PCLO: variants seen among roughly 807,000 people sequenced by gnomAD.
PCLO encodes the protein piccolo presynaptic cytomatrix protein, also known as protein piccolo.
PCLO carries 82 observed loss-of-function variants against 427.5 expected under a neutral mutation model. That is an observed-to-expected ratio of 0.19 (90% CI 0.16 to 0.23). PCLO has a LOEUF of 0.23. Among genes scored for constraint, PCLO ranks in the 10% least tolerant of loss-of-function variants. The pLI is 1.00. For synonymous variants in PCLO, 2,357 were observed against 2,155.4 expected (o/e 1.09, Z -2.59); for missense variants, 6,239 against 6,115.9 (o/e 1.02, Z -0.67).
chr7:82,780,670 C>G (rs1256721294), intron 22 of PCLO, among the ~76,000 whole-genome samples: 2 of 152,190 alleles, frequency 1.3e-5, no homozygotes, highest in African/African-American at 4.8e-5. Flanking sequence ...GCCTCAGCCT[C>G]GCGAGTGGCT....
rs200854729 is a variant in PCLO, at chr7:82,803,141, G to GA, written c.14934-1551dup. On this transcript the variant is annotated intron_variant, in intron 21 of 24. Coordinates refer to ENST00000333891, the MANE Select transcript of PCLO (RefSeq NM_033026.6). The stretch of plus-strand genomic sequence containing the variant: ...ATCAAGATTCAAGACAAGTAGTTAA[G>GA]AAAAAAAAAAGAACTCTGCTCTATC... 3.5e-3 allele frequency among the ~76,000 whole-genome samples: 507 copies of GA among 146,092 alleles called. 4 individuals carry two copies. The highest frequency in any genetic ancestry group is 8.1e-3 in the African/African-American group (325 of 39,976).
At chr7:83,038,894 G>C (rs1196105501) in intron 3 of PCLO, among the ~76,000 whole-genome samples, 2 of 151,906 alleles carry the variant, frequency 1.3e-5, no homozygotes, top group African/African-American at 4.8e-5. Context: ...ACCAATATTT[G>C]TTCTTTTCTG....
intron 3 of PCLO, among the ~76,000 whole-genome samples, chr7:82,980,675 C>T (rs1796126789): frequency 6.6e-6 from 1 of 152,100 alleles, no homozygotes; most frequent in African/African-American, 2.4e-5. Flanking sequence ...GATAAGTTTA[C>T]CCTGAAGGAA....
chr7:82,799,651 T>A (rs976921958), intron 22 of PCLO, among the ~76,000 whole-genome samples: 1 of 152,060 alleles, frequency 6.6e-6, no homozygotes, highest in Non-Finnish European at 1.5e-5. Context: ...TGGCTTCCAG[T>A]TGGTTTTGAT....
At chr7:82,858,318 C>T (rs1400765773) in intron 10 of PCLO, among the ~76,000 whole-genome samples, 1 of 152,104 alleles carries the variant, frequency 6.6e-6, no homozygotes, top group Non-Finnish European at 1.5e-5. Context: ...GAATATACCT[C>T]AAAATGTTAA....
intron 3 of PCLO, among the ~76,000 whole-genome samples, chr7:83,003,738 G>A (rs1198301976): frequency 6.6e-6 from 1 of 151,596 alleles, no homozygotes; most frequent in African/African-American, 2.4e-5. Context: ...TGTTGAATTT[G>A]GGATGCTAAC....
chr7:82,878,527 T>A (rs900216127), intron 10 of PCLO, among the ~76,000 whole-genome samples: 6 of 152,176 alleles, frequency 3.9e-5, no homozygotes, highest in Admixed American at 2.0e-4. Context: ...TGTTAGAGAA[T>A]CTGGAGAATG....
At position 82,951,323 on chromosome 7, in the gene PCLO, C is replaced by G. The variant is rs1366615912; in HGVS notation, c.9265G>C (p.Val3089Leu). ...GTTGGAGTTGCTACTGAAGAATAGA[C>G]AACACCATTAGATGACCTCAAAACA... ...GSVLRSSNGV[V>L]YSSVATPTPS... is the part of the protein sequence containing the mutation. Residue 3089 changes from valine (V) to leucine (L), a missense_variant, in exon 6 of 25, where the codon GTC becomes CTC. Physicochemically the swap from Val to Leu is conservative, Grantham distance 32 (BLOSUM62 1). Transcript: ENST00000333891. 1.2e-6 allele frequency: 2 copies of G among 1,611,810 alleles called. No individual in the cohort carries two copies. The highest frequency in any genetic ancestry group is 8.5e-7 in the Non-Finnish European group (1 of 1,178,942).
chr7:82,758,805 C>A (rs941086399), intron 24 of PCLO, 90 bp from the exon 25 acceptor site: 2 of 745,568 alleles, frequency 2.7e-6, no homozygotes, highest in South Asian at 1.9e-5. Context: ...ATTTAATCAT[C>A]AAAGACATAG....
At chr7:82,792,168 A>G (rs1791114716) in intron 22 of PCLO, among the ~76,000 whole-genome samples, 1 of 152,160 alleles carries the variant, frequency 6.6e-6, no homozygotes, top group African/African-American at 2.4e-5. Context: ...AATACCTACT[A>G]CTGAAGAGTT....
chr7:82,841,439 C>A lies in PCLO; in HGVS notation c.14097+20G>T, dbSNP rs769564896. ...ACCAAAAAAGGTTATATAATGGCGA[C>A]TTTTTAAAAAACTTCATACCTGAAT... On this transcript the variant is annotated intron_variant, in intron 14 of 24. Coordinates refer to ENST00000333891, the MANE Select transcript of PCLO (RefSeq NM_033026.6). 3.2e-6 allele frequency: 5 copies of A among 1,556,936 alleles called. No individual in the cohort carries two copies. Among genetic ancestry groups the A allele is most frequent in the Non-Finnish European group, 4.4e-6 (5 of 1,129,674 alleles).
At chr7:82,773,510 T>C (rs555774312) in intron 22 of PCLO, among the ~76,000 whole-genome samples, 2 of 152,316 alleles carry the variant, frequency 1.3e-5, no homozygotes, top group South Asian at 4.1e-4. Flanking sequence ...ATGCAATAAA[T>C]GTGATCCTCC....
intron 3 of PCLO, among the ~76,000 whole-genome samples, chr7:82,990,474 T>C (rs1391668470): frequency 6.6e-6 from 1 of 152,102 alleles, no homozygotes; most frequent in Non-Finnish European, 1.5e-5. Flanking sequence ...GGACCTATCT[T>C]AGGAGGATTC....
At chr7:82,776,322 G>A (rs1790748449) in intron 22 of PCLO, among the ~76,000 whole-genome samples, 1 of 152,296 alleles carries the variant, frequency 6.6e-6, no homozygotes, top group South Asian at 2.1e-4. Context: ...GCCGGGCGTG[G>A]TGGCTCATGC....
intron 3 of PCLO, among the ~76,000 whole-genome samples, chr7:83,043,262 C>T (rs528732291): frequency 1.4e-4 from 22 of 151,988 alleles, no homozygotes; most frequent in Middle Eastern, 6.8e-3. Flanking sequence ...CAATAGAGGT[C>T]GAGAAAAAAC....
chr7:82,797,061 TA>T (rs768916241), intron 22 of PCLO, among the ~76,000 whole-genome samples: 1 of 152,044 alleles, frequency 6.6e-6, no homozygotes, highest in East Asian at 1.9e-4. Flanking sequence ...GGATCTTCCA[TA>T]ATGGTTTCAT....
At chr7:82,961,582 A>C (rs570226926) in intron 4 of PCLO, among the ~76,000 whole-genome samples, 31 of 152,336 alleles carry the variant, frequency 2.0e-4, no homozygotes, top group Non-Finnish European at 3.7e-4. Flanking sequence ...AGAAGACACT[A>C]GGATTTTAGT....
intron 22 of PCLO, among the ~76,000 whole-genome samples, chr7:82,778,456 C>A (rs1790800963): frequency 6.6e-6 from 1 of 152,110 alleles, no homozygotes; most frequent in Admixed American, 6.5e-5. Context: ...TATAAAGACA[C>A]ATGTATGCAT....
At chr7:83,031,938 C>A (rs879455195) in intron 3 of PCLO, among the ~76,000 whole-genome samples, 1 of 152,126 alleles carries the variant, frequency 6.6e-6, no homozygotes, top group Non-Finnish European at 1.5e-5. Flanking sequence ...CTTGATATGT[C>A]TGCATTTGCT....
Sources: allele counts gnomAD v4.1 joint callset (sites outside exome capture counted in the v4.1 genomes callset), GRCh38; gene constraint gnomAD v4.1.1; transcripts MANE v1.5; gene names NCBI Gene and HGNC (gene_info 2026-07-23, HGNC 2026-07-21).